Variants in RTTN observed in about 807,000 individuals in gnomAD.
RTTN encodes rotatin.
In RTTN, 182 loss-of-function variants were observed where a neutral mutation model predicts 269.2. The ratio of observed to expected loss-of-function variants is 0.68; its 90% CI spans 0.60 to 0.76. The LOEUF (loss-of-function observed/expected upper bound fraction) is 0.76. RTTN is among the 30% of genes least tolerant of loss of function. The probability of loss-of-function intolerance (pLI) is 0.00; values close to 1 mark genes in which losing one functional copy is unlikely to be tolerated. For synonymous variants in RTTN, 1,006 were observed against 963.5 expected (o/e 1.04, Z -0.82); for missense variants, 2,545 against 2,608.6 (o/e 0.98, Z 0.53).
chr18:70,199,568 A>G, intron 4 of RTTN, 64 bp from the exon 5 acceptor site: 1 of 1,177,354 alleles, frequency 8.5e-7, no homozygotes, highest in Non-Finnish European at 1.3e-6. Flanking sequence ...TCACAATGTT[A>G]AGAGTAAGTT....
intron 27 of RTTN, among the ~76,000 whole-genome samples, chr18:70,113,839 C>CAAAT (rs1336711114): frequency 2.0e-5 from 3 of 152,084 alleles, no homozygotes; most frequent in African/African-American, 7.2e-5. Context: ...CCAGAATAGG[C>CAAAT]AAATCCACAG....
intron 27 of RTTN, among the ~76,000 whole-genome samples, chr18:70,111,374 A>T (rs2059461724): frequency 6.6e-6 from 1 of 152,192 alleles, no homozygotes; most frequent in South Asian, 2.1e-4. Flanking sequence ...TCAGGCAGCA[A>T]TCTTTGCTGT....
At chr18:70,124,276 T>G (rs2059809539) in intron 25 of RTTN, among the ~76,000 whole-genome samples, 1 of 151,918 alleles carries the variant, frequency 6.6e-6, no homozygotes, top group Admixed American at 6.6e-5. Context: ...AGAATGAATA[T>G]CCTTCAAAGG....
In RTTN at chr18:70,128,494, T is replaced by C. The variant is rs889017280; in HGVS notation, c.3007A>G (p.Ile1003Val). Residue 1003 changes from isoleucine to valine, a missense_variant, in exon 24 of 49, where the codon ATA (isoleucine) becomes GTA (valine). Transcript: ENST00000640769. ...IGHHAVSPYSIVLPLSADCLA... is the reference protein window; with the variant it reads ...IGHHAVSPYSVVLPLSADCLA... ...CAATCAGCAGATAAGGGCAAAACTA[T>C]GGAGTAAGGACTCACAGCATGGTGT... 2 of 1,613,016 alleles carry C rather than the reference T, an allele frequency of 1.2e-6. No homozygotes were observed. Among genetic ancestry groups the C allele is most frequent in the Admixed American group, 1.7e-5 (1 of 59,836 alleles).
intron 40 of RTTN, among the ~76,000 whole-genome samples, chr18:70,047,508 T>C (rs2057523436): frequency 6.6e-6 from 1 of 152,210 alleles, no homozygotes; most frequent in African/African-American, 2.4e-5. Context: ...GGGCATTTTC[T>C]TCCAAATGTG....
At chr18:70,083,542 G>C (rs1014551528) in intron 32 of RTTN, among the ~76,000 whole-genome samples, 2 of 152,034 alleles carry the variant, frequency 1.3e-5, no homozygotes, top group African/African-American at 4.8e-5. Flanking sequence ...TTAGTGGTAA[G>C]ACATTAAATG....
At position 70,051,428 on chromosome 18, in the gene RTTN, T is replaced by A. The variant is rs1237239313; in HGVS notation, c.5306A>T (p.His1769Leu). Reference sequence around the variant, plus strand: ...CTTCTTACCAATCGCCGCTGTCCAGTGCTTGGCCAGGGCCACGGTAACAAA... The same window carrying A: ...CTTCTTACCAATCGCCGCTGTCCAGAGCTTGGCCAGGGCCACGGTAACAAA... Reference protein sequence around the residue: ...LPFVTVALAKHWTAAIDMFCT... With the variant: ...LPFVTVALAKLWTAAIDMFCT... The change falls in exon 39 of 49, where the codon CAC becomes CTC. Residue 1769 changes from histidine (H) to leucine (L), a missense_variant. His to Leu is a moderately conservative substitution (Grantham distance 99). Transcript: ENST00000640769. 5.0e-6 allele frequency: 8 copies of A among 1,613,256 alleles called. No homozygotes were observed. Among genetic ancestry groups the A allele is most frequent in the Non-Finnish European group, 5.9e-6 (7 of 1,179,770 alleles).
intron 40 of RTTN, among the ~76,000 whole-genome samples, chr18:70,033,762 A>C (rs2365742): frequency 0.76 from 115,344 of 151,850 alleles, 51,235 homozygotes; most frequent in East Asian, 1. Flanking sequence ...ACCATTCAAA[A>C]GACCAATGAA....
At chr18:70,073,839 C>T (rs2058359367) in intron 34 of RTTN, 67 bp downstream of exon 34, 5 of 1,081,242 alleles carry the variant, frequency 4.6e-6, no homozygotes, top group Non-Finnish European at 7.1e-6. Flanking sequence ...TCTTAACTCT[C>T]CCACTAGGCA....
chr18:70,195,218 C>T (rs2061775288), intron 7 of RTTN, among the ~76,000 whole-genome samples: 1 of 152,176 alleles, frequency 6.6e-6, no homozygotes, highest in Non-Finnish European at 1.5e-5. Flanking sequence ...TCAGTGCTAA[C>T]CTTGAGGCCT....
At chr18:70,140,692 T>C (rs2060234169) in intron 19 of RTTN, among the ~76,000 whole-genome samples, 1 of 148,432 alleles carries the variant, frequency 6.7e-6, no homozygotes, top group Non-Finnish European at 1.5e-5. Flanking sequence ...TAATACACTA[T>C]ATATTTCTGG....
chr18:70,054,413 T>A, intron 37 of RTTN, 129 bp from the exon 38 acceptor site: 1 of 836,856 alleles, frequency 1.2e-6, no homozygotes, highest in Non-Finnish European at 1.8e-6. Context: ...GATCTGAAAT[T>A]AACACATAGC....
intron 33 of RTTN, among the ~76,000 whole-genome samples, 173 bp from the exon 34 acceptor site, chr18:70,074,167 T>A (rs1470819759): frequency 6.6e-6 from 1 of 151,354 alleles, no homozygotes; most frequent in Non-Finnish European, 1.5e-5. Flanking sequence ...TAAGGAGAGT[T>A]TTTTTTTAAT....
chr18:70,139,690 GCATGGTTGTAC>G lies in RTTN; in HGVS notation c.2686_2696del (p.Val896ProfsTer11), dbSNP rs1466693998. ...ATAAAACCTTCCTCAAGAGTGTGAG[GCATGGTTGTAC>G]CAAACATTCTACAACCTGGGCCAGG... On this transcript the variant is annotated frameshift_variant, in exon 21 of 49. Coordinates refer to ENST00000640769, the MANE Select transcript of RTTN (RefSeq NM_173630.4). LOFTEE classifies it high-confidence loss of function. 1 of 1,612,334 alleles carries G rather than the reference GCATGGTTGTAC, an allele frequency of 6.2e-7. No individual in the cohort carries two copies. Among genetic ancestry groups the G allele is most frequent in the Non-Finnish European group, 8.5e-7 (1 of 1,178,784 alleles).
chr18:70,137,737 T>G (rs2060158420), intron 21 of RTTN, among the ~76,000 whole-genome samples: 1 of 152,146 alleles, frequency 6.6e-6, no homozygotes, highest in African/African-American at 2.4e-5. Flanking sequence ...AGAAACAATC[T>G]CTGATACTTT....
intron 26 of RTTN, among the ~76,000 whole-genome samples, chr18:70,116,885 A>G (rs1194525557): frequency 6.7e-6 from 1 of 148,422 alleles, no homozygotes; most frequent in Admixed American, 6.9e-5. Flanking sequence ...AGAAGAAAAA[A>G]ACTAACAGCC....
intron 25 of RTTN, among the ~76,000 whole-genome samples, chr18:70,127,081 TGA>T (rs2059884395): frequency 1.3e-5 from 2 of 151,986 alleles, no homozygotes; most frequent in South Asian, 4.1e-4. Context: ...TTCATGAAAT[TGA>T]GAGTAAAAAG....
chr18:70,149,731 C>T (rs2060489022), intron 16 of RTTN, among the ~76,000 whole-genome samples: 1 of 151,912 alleles, frequency 6.6e-6, no homozygotes, highest in Admixed American at 6.6e-5. Flanking sequence ...TGTGAATGCA[C>T]CTCACTTTTT....
intron 36 of RTTN, among the ~76,000 whole-genome samples, chr18:70,058,088 T>G (rs1486324927): frequency 6.6e-6 from 1 of 152,126 alleles, no homozygotes; most frequent in African/African-American, 2.4e-5. Flanking sequence ...TAAGGAAACC[T>G]AATTAAAAGC....
Sources: gnomAD v4.1 joint callset for allele counts (sites outside exome capture counted in the v4.1 genomes callset) on GRCh38, gnomAD v4.1.1 for gene constraint, MANE v1.5 for transcripts, NCBI Gene and HGNC (gene_info 2026-07-23, HGNC 2026-07-21) for gene names.